Variants in LRP1B observed in about 807,000 individuals in gnomAD.
LRP1B encodes low-density lipoprotein receptor-related protein 1B.
In LRP1B, 217 loss-of-function variants were observed where a neutral mutation model predicts 556.6. That is an observed-to-expected ratio of 0.39 (90% confidence interval 0.35 to 0.44). The LOEUF (loss-of-function observed/expected upper bound fraction) is 0.44. Ranked by LOEUF, LRP1B falls within the 20% of genes least tolerant of loss-of-function variation. The probability of loss-of-function intolerance (pLI) is 1.00; values close to 1 mark genes in which losing one functional copy is unlikely to be tolerated. For missense variants in LRP1B, 5,053 were observed against 5,620.8 expected, an observed-to-expected ratio of 0.90 and a Z score of 3.23; for synonymous variants, 2,047 against 1,865.8, an observed-to-expected ratio of 1.10 and a Z score of -2.50.
chr2:140,587,452 T>G (rs548668406), intron 43 of LRP1B, among the ~76,000 whole-genome samples: 1 of 152,280 alleles, frequency 6.6e-6, no homozygotes, highest in South Asian at 2.1e-4. Flanking sequence ...TGGAGTACAT[T>G]ATGCTAAATG....
At chr2:141,539,208 TATC>T (rs34251156) in intron 2 of LRP1B, among the ~76,000 whole-genome samples, 50,805 of 151,876 alleles carry the variant, frequency 0.33, 9,521 homozygotes, top group Non-Finnish European at 0.43. Context: ...AGGAAGTTAT[TATC>T]ATAGATTTAA....
chr2:140,964,773 A>G (rs1446776544), intron 18 of LRP1B, among the ~76,000 whole-genome samples: 1 of 152,152 alleles, frequency 6.6e-6, no homozygotes, highest in East Asian at 1.9e-4. Flanking sequence ...CTTGTTTTAT[A>G]TTTTATTATA....
chr2:141,012,623 C>T (rs1697788724), intron 14 of LRP1B, among the ~76,000 whole-genome samples: 1 of 151,558 alleles, frequency 6.6e-6, no homozygotes, highest in Admixed American at 6.6e-5. Flanking sequence ...TACACATTTC[C>T]ATTATTTTAT....
Position 141,512,364 on chromosome 2 carries a change from A to G in LRP1B, c.206-31831T>C, listed in dbSNP as rs1684162901. On this transcript the variant is annotated intron_variant, in intron 2 of 90. Transcript: ENST00000389484. ...ATTTTCTTCTCCCTTTTGCAGCCCT[A>G]TGTGGCCATGATGCTAAGTTCCCAA... Among the ~76,000 whole-genome samples, 3 of 152,082 alleles carry G rather than the reference A, an allele frequency of 2.0e-5. No homozygotes were observed. In the South Asian group the frequency reaches 6.2e-4, roughly 31 times the overall value.
chr2:140,476,467 A>T (rs534601480), intron 59 of LRP1B, among the ~76,000 whole-genome samples: 62 of 152,100 alleles, frequency 4.1e-4, no homozygotes, highest in African/African-American at 1.5e-3. Context: ...CTTTAAAGAA[A>T]TTTTTTCTCA....
intron 31 of LRP1B, among the ~76,000 whole-genome samples, chr2:140,821,139 T>C (rs1183176460): frequency 1.3e-5 from 2 of 152,120 alleles, no homozygotes; most frequent in East Asian, 3.9e-4. Context: ...TAATTATCAG[T>C]GATTTTTTTC....
intron 15 of LRP1B, among the ~76,000 whole-genome samples, chr2:140,995,323 G>A (rs1281812069): frequency 6.6e-6 from 1 of 150,924 alleles, no homozygotes; most frequent in East Asian, 1.9e-4. Flanking sequence ...CTGTGGGTAT[G>A]CCCCAAACTG....
Position 140,874,360 on chromosome 2 carries a change from T to C in LRP1B, c.4170-6097A>G, listed in dbSNP as rs1291263888. 2.0e-5 allele frequency among the ~76,000 whole-genome samples: 3 copies of C among 152,160 alleles called. No individual in the cohort carries two copies. In the South Asian group the frequency reaches 6.2e-4, roughly 31 times the overall value. On this transcript the variant is annotated intron_variant, in intron 25 of 90. Transcript: ENST00000389484. ...CTCTCCCCTTTTAAAGGGAGCAAGATAGTAATGCTCTCCTTCAACTCATTT... is the reference window on the plus strand; with the variant it reads ...CTCTCCCCTTTTAAAGGGAGCAAGACAGTAATGCTCTCCTTCAACTCATTT...
intron 2 of LRP1B, among the ~76,000 whole-genome samples, chr2:141,482,815 C>A (rs1682972373): frequency 2.6e-5 from 4 of 152,008 alleles, no homozygotes; most frequent in Admixed American, 1.3e-4. Flanking sequence ...TATATTTAGA[C>A]CTTTCTGTAA....
chr2:142,122,431 C>T (rs1707489741), intron 1 of LRP1B, among the ~76,000 whole-genome samples: 1 of 152,084 alleles, frequency 6.6e-6, no homozygotes, highest in Non-Finnish European at 1.5e-5. Context: ...CTAAATTCAA[C>T]ATTTAGATTT....
intron 6 of LRP1B, among the ~76,000 whole-genome samples, chr2:141,205,464 A>T (rs534947048): frequency 6.6e-6 from 1 of 152,274 alleles, no homozygotes; most frequent in African/African-American, 2.4e-5. Flanking sequence ...CATTGAAAGG[A>T]TTATTTGCAT....
chr2:141,377,514 T>A (rs1689483485), intron 3 of LRP1B, among the ~76,000 whole-genome samples: 1 of 152,088 alleles, frequency 6.6e-6, no homozygotes, highest in Non-Finnish European at 1.5e-5. Flanking sequence ...TCCTCCCCAA[T>A]TTTTTAGTTA....
At chr2:140,625,727 A>G (rs1459923203) in intron 41 of LRP1B, among the ~76,000 whole-genome samples, 1 of 152,170 alleles carries the variant, frequency 6.6e-6, no homozygotes, top group African/African-American at 2.4e-5. Flanking sequence ...ACTACATAAA[A>G]TGCTGATGGG....
intron 2 of LRP1B, among the ~76,000 whole-genome samples, chr2:141,565,558 T>C (rs1047581362): frequency 6.6e-6 from 1 of 152,204 alleles, no homozygotes; most frequent in African/African-American, 2.4e-5. Flanking sequence ...TTTATTGGGA[T>C]GAACATCCTA....
chr2:140,452,945 T>TTGTG (rs1450047651), intron 62 of LRP1B, among the ~76,000 whole-genome samples: 1 of 142,222 alleles, frequency 7.0e-6, no homozygotes, highest in African/African-American at 2.6e-5. Flanking sequence ...TACATGTCTG[T>TTGTG]TGTGTGTGTG....
intron 20 of LRP1B, among the ~76,000 whole-genome samples, chr2:140,926,807 A>G (rs568007733): frequency 6.6e-5 from 10 of 152,142 alleles, no homozygotes; most frequent in Admixed American, 1.3e-4. Flanking sequence ...TCAGAAAGTT[A>G]GAGGTTTTCT....
intron 32 of LRP1B, among the ~76,000 whole-genome samples, chr2:140,790,445 T>C (rs1573722484): frequency 6.6e-6 from 1 of 152,270 alleles, no homozygotes; most frequent in Non-Finnish European, 1.5e-5. Context: ...TTCTCTTTAG[T>C]TTCATTTTTA....
At chr2:141,211,834 T>C (rs1023091942) in intron 6 of LRP1B, among the ~76,000 whole-genome samples, 4 of 152,174 alleles carry the variant, frequency 2.6e-5, no homozygotes, top group Non-Finnish European at 4.4e-5. Context: ...TCAACATATT[T>C]GATAATTGTA....
chr2:140,315,786 T>C (rs1684496249), intron 82 of LRP1B, among the ~76,000 whole-genome samples: 1 of 152,170 alleles, frequency 6.6e-6, no homozygotes, highest in South Asian at 2.1e-4. Context: ...TTCTATAGCC[T>C]ATGCGTGTGT....
Sources: gnomAD v4.1 joint callset for allele counts (sites outside exome capture counted in the v4.1 genomes callset) on GRCh38, gnomAD v4.1.1 for gene constraint, MANE v1.5 for transcripts, NCBI Gene and HGNC (gene_info 2026-07-23, HGNC 2026-07-21) for gene names.